TCF12: variants seen among roughly 807,000 people sequenced by gnomAD.
The protein encoded by TCF12 is transcription factor 12.
A neutral mutation model predicts 86.0 loss-of-function variants in TCF12; 45 were observed. The observed-to-expected ratio is 0.52, with a 90% confidence interval of 0.41 to 0.67. TCF12 has a LOEUF of 0.67. Ranked by LOEUF, TCF12 falls within the 30% of genes least tolerant of loss-of-function variation. The pLI, the probability that TCF12 is intolerant of heterozygous loss-of-function variation, is 0.00. For synonymous variants in TCF12, 330 were observed against 299.6 expected (o/e 1.10, Z -1.05); for missense variants, 881 against 859.9 (o/e 1.02, Z -0.31).
At chr15:56,938,778 C>A (rs1478817032) in intron 3 of TCF12, among the ~76,000 whole-genome samples, 1 of 151,886 alleles carries the variant, frequency 6.6e-6, no homozygotes, top group East Asian at 1.9e-4. Flanking sequence ...ATTGGGGATC[C>A]ATCACATTCA....
chr15:57,243,442 A>T, intron 12 of TCF12, 30 bp from the exon 13 acceptor site: 1 of 1,547,730 alleles, frequency 6.5e-7, no homozygotes, highest in South Asian at 1.1e-5. Context: ...TCACATGTTG[A>T]TACATGTATA....
At chr15:57,092,909 G>C (rs2049081469) in intron 5 of TCF12, among the ~76,000 whole-genome samples, 1 of 152,166 alleles carries the variant, frequency 6.6e-6, no homozygotes, top group South Asian at 2.1e-4. Context: ...CCCAAATCCT[G>C]GTGGTCTGCA....
chr15:57,110,938 T>C (rs967931720), intron 5 of TCF12, among the ~76,000 whole-genome samples: 5 of 151,906 alleles, frequency 3.3e-5, no homozygotes, highest in Non-Finnish European at 2.9e-5. Context: ...AATGGCAGAG[T>C]GTGGTTTCCT....
intron 12 of TCF12, among the ~76,000 whole-genome samples, chr15:57,239,108 T>C (rs1333893267): frequency 2.0e-5 from 3 of 152,124 alleles, no homozygotes; most frequent in African/African-American, 7.2e-5. Context: ...ATCCCAGCAC[T>C]TTAGGAGGCT....
At chr15:57,029,883 G>A (rs1465051458) in intron 3 of TCF12, among the ~76,000 whole-genome samples, 1 of 152,192 alleles carries the variant, frequency 6.6e-6, no homozygotes, top group African/African-American at 2.4e-5. Flanking sequence ...TTACATGTGA[G>A]ATTCAACTAT....
intron 5 of TCF12, among the ~76,000 whole-genome samples, chr15:57,122,559 T>C (rs923233230): frequency 5.9e-5 from 9 of 152,188 alleles, no homozygotes; most frequent in African/African-American, 2.2e-4. Context: ...TAAGTTGTGA[T>C]TGAGGAAGTA....
chr15:56,951,048 G>A (rs1442657054), intron 3 of TCF12, among the ~76,000 whole-genome samples: 3 of 151,946 alleles, frequency 2.0e-5, no homozygotes, highest in Non-Finnish European at 2.9e-5. Context: ...GAGCCACTGC[G>A]CCCGGCCATT....
intron 3 of TCF12, among the ~76,000 whole-genome samples, chr15:57,025,770 A>G (rs1158094298): frequency 2.0e-5 from 3 of 152,208 alleles, no homozygotes; most frequent in African/African-American, 7.2e-5. Flanking sequence ...GTTAGTCACC[A>G]GTGTGATGAA....
intron 5 of TCF12, among the ~76,000 whole-genome samples, chr15:57,153,095 A>G (rs928093379): frequency 1.3e-5 from 2 of 152,210 alleles, no homozygotes; most frequent in African/African-American, 4.8e-5. Context: ...TCTGTTGAAA[A>G]TATTTTCTTA....
At position 57,063,786 on chromosome 15, in the gene TCF12, C is replaced by T. The variant is rs771248917; in HGVS notation, c.185C>T (p.Thr62Ile). Residue 62 changes from threonine (T) to isoleucine (I), a missense_variant, in exon 4 of 21, where the codon ACA becomes ATA. Physicochemically the swap from Thr to Ile is moderately conservative, Grantham distance 89 (BLOSUM62 -1). This residue lies in a region of TCF12 where 766 missense variants were observed against 718.9 expected (regional missense o/e 1.07). Transcript: ENST00000333725. ...AGAGGAGGTACAACATCTTGGGGAA[C>T]AAGTGGTCAACCAAGTCCTTCCTAT... The part of the protein sequence containing the change: ...DERGGTTSWG[T>I]SGQPSPSYDS... 7 of 1,602,284 alleles carry T rather than the reference C, an allele frequency of 4.4e-6. No homozygotes were observed. Among genetic ancestry groups the T allele is most frequent in the Non-Finnish European group, 3.4e-6 (4 of 1,171,168 alleles).
At chr15:57,172,593 CAAAG>C (rs561475975) in intron 6 of TCF12, among the ~76,000 whole-genome samples, 113 of 152,172 alleles carry the variant, frequency 7.4e-4, no homozygotes, top group African/African-American at 2.6e-3. Context: ...CTCAGGGACA[CAAAG>C]AAGGCACCTG....
At chr15:57,230,228 A>AT (rs2059072496) in intron 8 of TCF12, among the ~76,000 whole-genome samples, 1 of 151,852 alleles carries the variant, frequency 6.6e-6, no homozygotes, top group Non-Finnish European at 1.5e-5. Flanking sequence ...ATTTTGTTGA[A>AT]TTTTTTGTAT....
intron 5 of TCF12, among the ~76,000 whole-genome samples, chr15:57,159,065 C>G (rs1425311447): frequency 6.6e-6 from 1 of 152,134 alleles, no homozygotes; most frequent in Non-Finnish European, 1.5e-5. Context: ...AGATTACTAC[C>G]AAAATAAAGT....
chr15:57,098,466 A>G (rs1596516409), intron 5 of TCF12, among the ~76,000 whole-genome samples: 1 of 151,960 alleles, frequency 6.6e-6, no homozygotes, highest in South Asian at 2.1e-4. Flanking sequence ...TCTGCCCTTT[A>G]CCATGCCCTT....
At chr15:57,077,814 T>C (rs1452522954) in intron 4 of TCF12, among the ~76,000 whole-genome samples, 2 of 152,286 alleles carry the variant, frequency 1.3e-5, no homozygotes, top group East Asian at 3.9e-4. Context: ...TTGAAAGAAT[T>C]AGTTGAGAAG....
intron 4 of TCF12, among the ~76,000 whole-genome samples, chr15:57,090,049 T>C (rs1386715659): frequency 6.6e-6 from 1 of 152,004 alleles, no homozygotes; most frequent in East Asian, 1.9e-4. Flanking sequence ...ACCCCATCTC[T>C]TCAAAAAATT....
At chr15:57,038,389 C>T (rs1203511758) in intron 3 of TCF12, among the ~76,000 whole-genome samples, 3 of 142,064 alleles carry the variant, frequency 2.1e-5, no homozygotes, top group African/African-American at 7.8e-5. Context: ...GACCATACCA[C>T]TTGCACTCCA....
At chr15:57,254,750 T>TGGAA (rs1726885640) in intron 16 of TCF12, among the ~76,000 whole-genome samples, 1 of 149,110 alleles carries the variant, frequency 6.7e-6, no homozygotes, top group African/African-American at 2.5e-5. Flanking sequence ...CCCAGCTACA[T>TGGAA]GGAAGGTTTA....
At chr15:57,024,216 CTTT>C (rs59793819) in intron 3 of TCF12, among the ~76,000 whole-genome samples, 51 of 111,286 alleles carry the variant, frequency 4.6e-4, no homozygotes, top group African/African-American at 1.5e-3. Context: ...AAAAAAGTGT[CTTT>C]TTTTTTTTTT....
Sources: allele counts gnomAD v4.1 joint callset (sites outside exome capture counted in the v4.1 genomes callset), GRCh38; gene constraint gnomAD v4.1.1; regional missense constraint gnomAD v4.1.1; transcripts MANE v1.5; gene names NCBI Gene and HGNC (gene_info 2026-07-23, HGNC 2026-07-21).